Variants in MGMT observed in about 807,000 individuals in gnomAD.
MGMT encodes O-6-methylguanine-DNA methyltransferase.
In MGMT, 14 loss-of-function variants were observed where a neutral mutation model predicts 15.9. That is an observed-to-expected ratio of 0.88 (90% CI 0.58 to 1.37). The LOEUF (loss-of-function observed/expected upper bound fraction) is 1.37, where lower values mean the gene tolerates loss of function less well. MGMT is among the 40% of genes most tolerant of loss of function. The probability of loss-of-function intolerance (pLI) is 0.00; values close to 1 mark genes in which losing one functional copy is unlikely to be tolerated. For missense variants in MGMT, 282 were observed against 268.1 expected (o/e 1.05, Z -0.36); for synonymous variants, 130 against 118.2 (o/e 1.10, Z -0.65).
At chr10:129,696,810 C>G (rs1848037997) in intron 2 of MGMT, among the ~76,000 whole-genome samples, 1 of 152,202 alleles carries the variant, frequency 6.6e-6, no homozygotes, top group Non-Finnish European at 1.5e-5. Context: ...CTGGGCAGCC[C>G]TTGGTTGGAC....
At chr10:129,514,288 A>G (rs991839806) in intron 1 of MGMT, among the ~76,000 whole-genome samples, 5 of 152,254 alleles carry the variant, frequency 3.3e-5, no homozygotes, top group African/African-American at 1.2e-4. Flanking sequence ...TATTGTTTAC[A>G]TATAATTTTG....
intron 2 of MGMT, among the ~76,000 whole-genome samples, chr10:129,612,636 G>A (rs906848880): frequency 3.3e-5 from 5 of 152,134 alleles, no homozygotes; most frequent in Admixed American, 2.0e-4. Flanking sequence ...AACAATTACC[G>A]GAAGAAACTG....
chr10:129,647,988 G>A (rs1368777489), intron 2 of MGMT, among the ~76,000 whole-genome samples: 3 of 152,074 alleles, frequency 2.0e-5, no homozygotes, highest in Non-Finnish European at 4.4e-5. Flanking sequence ...ATAGCCATAG[G>A]CTTTTCATTT....
At position 129,533,264 on chromosome 10, in the gene MGMT, G is replaced by A. The variant is rs934914124; in HGVS notation, c.-12-2977G>A. Among the ~76,000 whole-genome samples the A allele has an allele frequency of 1.3e-5, 2 of 152,224 alleles. No individual in the cohort carries two copies. Among genetic ancestry groups the A allele is most frequent in the African/African-American group, 2.4e-5 (1 of 41,454 alleles). ...CCTTCCCAGAAGTTCTTTGAGTTGT[G>A]GAGTAGCCTTTCAGTAAACGGCATT... On this transcript the variant is annotated intron_variant, in intron 1 of 4. Coordinates refer to ENST00000651593, the MANE Select transcript of MGMT (RefSeq NM_002412.5). The surrounding 1 kb of genome is among the most constrained non-coding windows in gnomAD (Gnocchi z 4.5).
At chr10:129,611,465 C>T (rs776920195) in intron 2 of MGMT, among the ~76,000 whole-genome samples, 35 of 152,160 alleles carry the variant, frequency 2.3e-4, no homozygotes, top group Non-Finnish European at 2.5e-4. Flanking sequence ...CCAGTCACCT[C>T]CTACCAGGAC....
intron 4 of MGMT, among the ~76,000 whole-genome samples, chr10:129,764,755 G>A (rs747701940): frequency 7.2e-5 from 11 of 152,318 alleles, no homozygotes; most frequent in South Asian, 2.1e-4. Flanking sequence ...GCCTGGACAC[G>A]CCCCAACCTT....
chr10:129,521,859 G>A (rs1009841073), intron 1 of MGMT, among the ~76,000 whole-genome samples: 34 of 152,228 alleles, frequency 2.2e-4, no homozygotes, highest in African/African-American at 8.2e-4. Context: ...TACAGGAGTC[G>A]CAGCTCCAGG....
intron 1 of MGMT, among the ~76,000 whole-genome samples, chr10:129,507,141 C>A (rs1038857271): frequency 6.6e-6 from 1 of 151,984 alleles, no homozygotes; most frequent in African/African-American, 2.4e-5. Context: ...CTGTGAGGAC[C>A]GGGTGAAACA....
At chr10:129,491,757 T>C (rs375989052) in intron 1 of MGMT, among the ~76,000 whole-genome samples, 4 of 152,332 alleles carry the variant, frequency 2.6e-5, no homozygotes, top group African/African-American at 9.6e-5. Flanking sequence ...ACAAATTTTG[T>C]ATTTTTCAGT....
chr10:129,562,448 GC>G (rs550565893), intron 2 of MGMT, among the ~76,000 whole-genome samples: 112 of 152,318 alleles, frequency 7.4e-4, no homozygotes, highest in African/African-American at 2.6e-3. Flanking sequence ...TCGGAGGACA[GC>G]TAGCAAAGAG....
At chr10:129,733,264 A>C (rs1274552587) in intron 3 of MGMT, among the ~76,000 whole-genome samples, 3 of 148,052 alleles carry the variant, frequency 2.0e-5, no homozygotes, top group East Asian at 2.0e-4. Flanking sequence ...CTGGTGTGAG[A>C]CGGTATCTCA....
rs1589909699 is a variant in MGMT at position 129,641,262 on chromosome 10, G to A, written c.126-66633G>A. On this transcript the variant is annotated intron_variant, in intron 2 of 4. Coordinates refer to ENST00000651593, the MANE Select transcript of MGMT (RefSeq NM_002412.5). ...CAGTAGTTCATGTCCAATGATATTT[G>A]CAGGATATATATACTGAAAACTACA... Among the ~76,000 whole-genome samples, 5 of 152,240 alleles carry A rather than the reference G, an allele frequency of 3.3e-5. No homozygotes were observed. In the South Asian group the frequency reaches 1.0e-3, roughly 32 times the overall value.
At chr10:129,698,825 G>A (rs1564765296) in intron 2 of MGMT, among the ~76,000 whole-genome samples, 1 of 151,302 alleles carries the variant, frequency 6.6e-6, no homozygotes, top group East Asian at 1.9e-4. Flanking sequence ...GAAAGAATAA[G>A]TTAGCATATT....
chr10:129,735,565 T>A (rs1848550759), intron 3 of MGMT, among the ~76,000 whole-genome samples: 1 of 150,308 alleles, frequency 6.7e-6, no homozygotes, highest in Admixed American at 6.6e-5. Context: ...TTTCCTTCAG[T>A]TCTGCTCTGA....
At chr10:129,664,244 A>T (rs1441924530) in intron 2 of MGMT, among the ~76,000 whole-genome samples, 1 of 152,216 alleles carries the variant, frequency 6.6e-6, no homozygotes, top group Non-Finnish European at 1.5e-5. Flanking sequence ...TAACTTAAAC[A>T]CTGTACTCTG....
At chr10:129,638,013 G>A in intron 2 of MGMT, among the ~76,000 whole-genome samples, 1 of 152,232 alleles carries the variant, frequency 6.6e-6, no homozygotes, top group South Asian at 2.1e-4. Flanking sequence ...GCCTCCTGCA[G>A]TGCTCAGTCT....
intron 3 of MGMT, among the ~76,000 whole-genome samples, chr10:129,738,917 C>G (rs1040554278): frequency 6.6e-6 from 1 of 152,186 alleles, no homozygotes; most frequent in Non-Finnish European, 1.5e-5. Context: ...AAAATGCTGG[C>G]AAACCGAATC....
At chr10:129,723,930 A>AAAATG (rs1223084425) in intron 3 of MGMT, among the ~76,000 whole-genome samples, 2 of 152,176 alleles carry the variant, frequency 1.3e-5, no homozygotes, top group Non-Finnish European at 2.9e-5. Context: ...GGTGGGTGTT[A>AAAATG]AAATGTTGTA....
At chr10:129,583,344 T>C (rs1283159770) in intron 2 of MGMT, among the ~76,000 whole-genome samples, 2 of 152,212 alleles carry the variant, frequency 1.3e-5, no homozygotes, top group African/African-American at 4.8e-5. Flanking sequence ...TTTTTAGAGG[T>C]AATCTCTTGG....
Sources: allele counts gnomAD v4.1 joint callset (sites outside exome capture counted in the v4.1 genomes callset), GRCh38; gene constraint gnomAD v4.1.1; non-coding constraint Gnocchi (gnomAD v3.1); transcripts MANE v1.5; gene names NCBI Gene and HGNC (gene_info 2026-07-23, HGNC 2026-07-21).